The following OXR1 variants were observed in gnomAD, a reference collection of about 807,000 sequenced individuals.
OXR1 encodes the protein oxidation resistance protein 1.
Under a neutral mutation model 104.6 loss-of-function variants are expected in OXR1, and 41 were observed. That is an observed-to-expected ratio of 0.39 (90% CI 0.31 to 0.51). The LOEUF is 0.51. Ranked by LOEUF, OXR1 falls within the 20% of genes least tolerant of loss-of-function variation. The pLI is 0.77. For missense variants in OXR1, 955 were observed against 1,031.9 expected, an observed-to-expected ratio of 0.93 and a Z score of 1.02; for synonymous variants, 348 against 348.4, an observed-to-expected ratio of 1.00 and a Z score of 0.01.
At chr8:106,386,081 A>G (rs1437628086) in intron 2 of OXR1, among the ~76,000 whole-genome samples, 1 of 152,144 alleles carries the variant, frequency 6.6e-6, no homozygotes, top group Non-Finnish European at 1.5e-5. Context: ...GGGCAGCAGC[A>G]GCAGCAGCAA....
intron 2 of OXR1, among the ~76,000 whole-genome samples, chr8:106,433,267 A>G (rs1339585554): frequency 6.6e-6 from 1 of 152,130 alleles, no homozygotes; most frequent in Non-Finnish European, 1.5e-5. Flanking sequence ...TGATGGCAGA[A>G]CTGATTGGGC....
At chr8:106,409,984 TCACA>T (rs921328006) in intron 2 of OXR1, among the ~76,000 whole-genome samples, 4 of 143,254 alleles carry the variant, frequency 2.8e-5, no homozygotes, top group Non-Finnish European at 5.9e-5. Flanking sequence ...TTACAGGAAT[TCACA>T]CACACACACA....
rs970371056 is a variant in OXR1 at position 106,357,338 on chromosome 8, G to A, written c.-138-2138G>A. 2.2e-4 allele frequency among the ~76,000 whole-genome samples: 34 copies of A among 152,064 alleles called. 1 individual carries two copies. Among genetic ancestry groups the A allele is most frequent in the Non-Finnish European group, 2.4e-4 (16 of 68,000 alleles). The stretch of plus-strand genomic sequence containing the variant: ...AATTTGGAGTTCCTTTGCCTTTACA[G>A]ATGTAAGTCTATATGCCGTAACAAT... On this transcript the variant is annotated intron_variant, in intron 1 of 16. Transcript: ENST00000517566.
intron 3 of OXR1, among the ~76,000 whole-genome samples, chr8:106,646,683 G>A (rs996669718): frequency 9.2e-5 from 14 of 151,918 alleles, no homozygotes; most frequent in African/African-American, 3.4e-4. Flanking sequence ...AAAAGACAGA[G>A]GGTAAGACCT....
At chr8:106,338,441 T>C (rs956906188) in intron 1 of OXR1, among the ~76,000 whole-genome samples, 1 of 151,830 alleles carries the variant, frequency 6.6e-6, no homozygotes, top group South Asian at 2.1e-4. Flanking sequence ...CCCACACCTG[T>C]AATCCCAGCT....
chr8:106,660,503 A>T (rs1001377921), intron 3 of OXR1, among the ~76,000 whole-genome samples: 7 of 152,202 alleles, frequency 4.6e-5, no homozygotes, highest in Non-Finnish European at 1.5e-5. Flanking sequence ...TCACACATGT[A>T]AATTGACTGC....
chr8:106,642,963 C>T (rs1823783944), intron 3 of OXR1, among the ~76,000 whole-genome samples: 1 of 152,136 alleles, frequency 6.6e-6, no homozygotes, highest in Non-Finnish European at 1.5e-5. Flanking sequence ...ATTCATACTT[C>T]TTTAGATTAA....
At chr8:106,513,707 A>G (rs545608470) in intron 2 of OXR1, among the ~76,000 whole-genome samples, 2 of 152,328 alleles carry the variant, frequency 1.3e-5, no homozygotes, top group Admixed American at 6.5e-5. Flanking sequence ...GGAATTGTGC[A>G]GAACACAATT....
intron 3 of OXR1, among the ~76,000 whole-genome samples, chr8:106,609,732 A>G (rs1820668966): frequency 6.6e-6 from 1 of 152,260 alleles, no homozygotes; most frequent in African/African-American, 2.4e-5. Flanking sequence ...ATAAAAGACT[A>G]CCCATATTTA....
intron 3 of OXR1, among the ~76,000 whole-genome samples, chr8:106,588,444 G>T (rs1818819875): frequency 6.6e-6 from 1 of 151,666 alleles, no homozygotes; most frequent in African/African-American, 2.4e-5. Flanking sequence ...AATGTTCATT[G>T]GTTCTTGGTC....
intron 2 of OXR1, among the ~76,000 whole-genome samples, chr8:106,473,145 C>A (rs1821607964): frequency 6.6e-6 from 1 of 151,808 alleles, no homozygotes; most frequent in Admixed American, 6.6e-5. Flanking sequence ...TAAGTGGATT[C>A]TTGGTTGGAA....
chr8:106,301,646 T>A (rs924288286), intron 1 of OXR1, among the ~76,000 whole-genome samples: 4 of 152,228 alleles, frequency 2.6e-5, no homozygotes, highest in African/African-American at 9.6e-5. Context: ...GCAAAGAATC[T>A]GATAAATATA....
chr8:106,715,021 A>G (rs1832092915), intron 11 of OXR1, among the ~76,000 whole-genome samples: 1 of 152,176 alleles, frequency 6.6e-6, no homozygotes, highest in Admixed American at 6.6e-5. Context: ...AACCAACATT[A>G]TCAATCTTCA....
chr8:106,684,736 T>C (rs754946311), intron 6 of OXR1, among the ~76,000 whole-genome samples: 1 of 152,190 alleles, frequency 6.6e-6, no homozygotes, highest in Admixed American at 6.5e-5. Context: ...TACTTAGAAC[T>C]CTTGAGTTTA....
At chr8:106,641,113 ACAT>A (rs1390839731) in intron 3 of OXR1, among the ~76,000 whole-genome samples, 10 of 152,254 alleles carry the variant, frequency 6.6e-5, no homozygotes, top group Admixed American at 1.3e-4. Flanking sequence ...AGCTAAAGAA[ACAT>A]CATTCTGTTA....
intron 1 of OXR1, among the ~76,000 whole-genome samples, chr8:106,339,509 AAAAAAAAAAAAT>A (rs1394486497): frequency 1.6e-4 from 8 of 50,794 alleles, no homozygotes; most frequent in Non-Finnish European, 2.5e-4. Context: ...AAAAAAAAAA[AAAAAAAAAAAAT>A]ATATATATAT....
chr8:106,568,573 G>C (rs1253657387), intron 3 of OXR1, among the ~76,000 whole-genome samples: 1 of 152,110 alleles, frequency 6.6e-6, no homozygotes. Context: ...CTCTTGAAGA[G>C]AGTTGTCCCT....
chr8:106,363,157 T>A (rs1371517778), intron 2 of OXR1, among the ~76,000 whole-genome samples: 1 of 152,236 alleles, frequency 6.6e-6, no homozygotes, highest in African/African-American at 2.4e-5. Flanking sequence ...CTAGTGAGCA[T>A]CTATAACATG....
intron 3 of OXR1, among the ~76,000 whole-genome samples, chr8:106,558,088 A>T (rs1190701744): frequency 6.6e-6 from 1 of 152,144 alleles, no homozygotes; most frequent in Non-Finnish European, 1.5e-5. Flanking sequence ...TTATCTCTCT[A>T]AACTTCCATT....
Sources: gnomAD v4.1 joint callset for allele counts (sites outside exome capture counted in the v4.1 genomes callset) on GRCh38, gnomAD v4.1.1 for gene constraint, MANE v1.5 for transcripts, NCBI Gene and HGNC (gene_info 2026-07-23, HGNC 2026-07-21) for gene names.